The following PRKCH variants were observed in gnomAD, a reference collection of about 807,000 sequenced individuals.
The protein encoded by PRKCH is protein kinase C eta.
In PRKCH, 28 loss-of-function variants were observed where a neutral mutation model predicts 82.5. The observed-to-expected ratio is 0.34, with a 90% CI of 0.25 to 0.47. The LOEUF is 0.47. Ranked by LOEUF, PRKCH falls within the 20% of genes least tolerant of loss-of-function variation. The pLI is 1.00. For synonymous variants in PRKCH, 322 were observed against 327.4 expected, an observed-to-expected ratio of 0.98 and a Z score of 0.18; for missense variants, 705 against 881.8, an observed-to-expected ratio of 0.80 and a Z score of 2.54.
At chr14:61,329,984 C>G (rs1168987953) in intron 1 of PRKCH, among the ~76,000 whole-genome samples, 1 of 152,124 alleles carries the variant, frequency 6.6e-6, no homozygotes, top group Non-Finnish European at 1.5e-5. Flanking sequence ...ATGCCAAGCC[C>G]TAGGTGAGCA....
At chr14:61,343,549 C>T (rs566071885) in intron 1 of PRKCH, among the ~76,000 whole-genome samples, 20 of 151,868 alleles carry the variant, frequency 1.3e-4, no homozygotes, top group Admixed American at 9.2e-4. Context: ...ATGCAGGGCA[C>T]GATGATAGAT....
rs914625557 is a variant in PRKCH, at chr14:61,302,247, T to C, written c.-19+114579T>C. Among the ~76,000 whole-genome samples, 5 of 152,236 alleles carry C rather than the reference T, an allele frequency of 3.3e-5. No individual in the cohort carries two copies. In the South Asian group the frequency reaches 1.0e-3, roughly 32 times the overall value. The stretch of plus-strand genomic sequence containing the variant: ...CAAATACTTACCATAAATCCTGCCT[T>C]AAGCAAATTATAGGCTGTGAAGCAT... On this transcript the variant is annotated intron_variant, in intron 1 of 3. Transcript: ENST00000555185.
chr14:61,244,238 C>G (rs12100547), intron 1 of PRKCH, among the ~76,000 whole-genome samples: 5,748 of 152,130 alleles, frequency 0.038, 187 homozygotes, highest in African/African-American at 0.089. Context: ...CAAAATACAG[C>G]TGAACAAACG....
rs1392452305 is a variant in PRKCH, at chr14:61,280,757, C to G, written c.-19+93089C>G. 6.4e-7 allele frequency: 1 copy of G among 1,560,826 alleles called. No individual in the cohort carries two copies. The highest frequency in any genetic ancestry group is 2.3e-5 in the East Asian group (1 of 43,340). ...GCGCTGGGGAGTCCGCTCAGCTGCG[C>G]GTCGTCGCGGGACACGCCGTAGCGC... On this transcript the variant is annotated intron_variant, in intron 1 of 3. Transcript: ENST00000555185. This position sits in a 1 kb window ranked among gnomAD's most constrained non-coding sequence, Gnocchi z 5.0.
chr14:61,207,423 A>G (rs1317497281), intron 1 of PRKCH, among the ~76,000 whole-genome samples: 2 of 152,208 alleles, frequency 1.3e-5, no homozygotes, highest in East Asian at 1.9e-4. Context: ...CCACTTGCAC[A>G]TGAGCTCCTG....
chr14:61,300,417 A>G (rs1346327347), intron 1 of PRKCH, among the ~76,000 whole-genome samples: 1 of 152,242 alleles, frequency 6.6e-6, no homozygotes, highest in East Asian at 1.9e-4. Context: ...GCCTGGCAAT[A>G]TGACAGGCAC....
At chr14:61,228,338 G>A (rs2044714048) in intron 1 of PRKCH, among the ~76,000 whole-genome samples, 1 of 152,120 alleles carries the variant, frequency 6.6e-6, no homozygotes, top group Admixed American at 6.6e-5. Flanking sequence ...TAACAACAAG[G>A]GCTTAATGTG....
chr14:61,237,258 A>AG (rs1298124209), intron 1 of PRKCH, among the ~76,000 whole-genome samples: 1 of 151,956 alleles, frequency 6.6e-6, no homozygotes, highest in Non-Finnish European at 1.5e-5. Flanking sequence ...AAAAAAAAAA[A>AG]AGATACCAAA....
intron 1 of PRKCH, among the ~76,000 whole-genome samples, chr14:61,385,212 G>C (rs1435793842): frequency 2.6e-5 from 4 of 152,064 alleles, no homozygotes; most frequent in Non-Finnish European, 5.9e-5. Flanking sequence ...CCTCAGCTCT[G>C]TTCTATTAGA....
At chr14:61,366,283 A>C (rs1016527769) in intron 1 of PRKCH, among the ~76,000 whole-genome samples, 8 of 152,100 alleles carry the variant, frequency 5.3e-5, no homozygotes, top group African/African-American at 1.9e-4. Flanking sequence ...CAGAAGTTTG[A>C]CTTTCTTCTT....
intron 2 of PRKCH, among the ~76,000 whole-genome samples, chr14:61,420,457 A>T (rs989568221): frequency 6.6e-6 from 1 of 152,166 alleles, no homozygotes; most frequent in Admixed American, 6.5e-5. Context: ...CTGCGGGGAG[A>T]CGCATAGGCT....
At chr14:61,228,782 G>A (rs61074759) in intron 1 of PRKCH, among the ~76,000 whole-genome samples, 2 of 151,986 alleles carry the variant, frequency 1.3e-5, no homozygotes, top group East Asian at 1.9e-4. Context: ...GGCTCATGCC[G>A]CTAATCCTAG....
chr14:61,540,440 G>A (rs575124769), intron 12 of PRKCH, among the ~76,000 whole-genome samples: 2 of 152,294 alleles, frequency 1.3e-5, no homozygotes, highest in African/African-American at 2.4e-5. Context: ...GAAGTCTAGC[G>A]TAGGGACTGA....
intron 1 of PRKCH, among the ~76,000 whole-genome samples, chr14:61,352,546 C>A (rs528086059): frequency 6.6e-6 from 1 of 151,974 alleles, no homozygotes; most frequent in East Asian, 1.9e-4. Flanking sequence ...CACTTGTAGT[C>A]CCAGCTACTC....
chr14:61,214,783 G>A (rs1317508647), intron 1 of PRKCH, among the ~76,000 whole-genome samples: 1 of 152,130 alleles, frequency 6.6e-6, no homozygotes, highest in Non-Finnish European at 1.5e-5. Context: ...TAGCTTCCTA[G>A]AATTCCTGCT....
At position 61,428,298 on chromosome 14, in the gene PRKCH, G is replaced by T. The variant is rs117588109; in HGVS notation, c.428-14813G>T. On this transcript the variant is annotated intron_variant, in intron 2 of 13. Transcript: ENST00000332981. ...ATAGGTGCTCTGCACTCTAGCCTTT[G>T]TAACAATAAGGGTCTATTCTGTCGG... Among the ~76,000 whole-genome samples the T allele has an allele frequency of 6.8e-3, 1,033 of 152,040 alleles. 3 individuals carry two copies. Among genetic ancestry groups the T allele is most frequent in the Non-Finnish European group, 0.011 (766 of 67,982 alleles).
chr14:61,419,351 T>C (rs1289334792), intron 2 of PRKCH, among the ~76,000 whole-genome samples: 1 of 152,214 alleles, frequency 6.6e-6, no homozygotes, highest in East Asian at 1.9e-4. Context: ...ATCCAAATAC[T>C]GAAGGGTTTC....
intron 1 of PRKCH, among the ~76,000 whole-genome samples, chr14:61,308,642 T>G (rs2045499293): frequency 6.6e-6 from 1 of 152,240 alleles, no homozygotes; most frequent in African/African-American, 2.4e-5. Context: ...TTTTATTTAT[T>G]TTTTGAGACA....
chr14:61,404,742 GC>G (rs1358713817), intron 2 of PRKCH, among the ~76,000 whole-genome samples: 2 of 152,168 alleles, frequency 1.3e-5, no homozygotes, highest in Non-Finnish European at 2.9e-5. Flanking sequence ...GTCAGGGAAG[GC>G]CCCTCTGATG....
Sources: allele counts gnomAD v4.1 joint callset (sites outside exome capture counted in the v4.1 genomes callset), GRCh38; gene constraint gnomAD v4.1.1; non-coding constraint Gnocchi (gnomAD v3.1); transcripts MANE v1.5; gene names NCBI Gene and HGNC (gene_info 2026-07-23, HGNC 2026-07-21).